The following EVA1C variants were observed in gnomAD, a reference collection of about 807,000 sequenced individuals.
EVA1C encodes protein eva-1 homolog C.
EVA1C carries 25 observed loss-of-function variants against 45.4 expected under a neutral mutation model. That is an observed-to-expected ratio of 0.55 (90% CI 0.40 to 0.77). EVA1C has a LOEUF of 0.77. Among genes scored for constraint, EVA1C ranks in the 30% least tolerant of loss-of-function variants. The pLI is 0.00. For synonymous variants in EVA1C, 190 were observed against 221.2 expected, an observed-to-expected ratio of 0.86 and a Z score of 1.25; for missense variants, 479 against 554.8, an observed-to-expected ratio of 0.86 and a Z score of 1.37.
chr21:32,435,731 T>G (rs964040988), intron 1 of EVA1C, among the ~76,000 whole-genome samples: 6 of 152,280 alleles, frequency 3.9e-5, no homozygotes, highest in African/African-American at 1.4e-4. Flanking sequence ...GCCCCCTTAT[T>G]CAAAAATCAG....
chr21:32,493,105 A>C (rs2037221202), intron 4 of EVA1C, among the ~76,000 whole-genome samples: 1 of 152,232 alleles, frequency 6.6e-6, no homozygotes, highest in African/African-American at 2.4e-5. Context: ...GTTTCTCACT[A>C]TACAAGTGCT....
chr21:32,507,553 T>C lies in EVA1C; in HGVS notation c.949+3538T>C, dbSNP rs556182308. Among the ~76,000 whole-genome samples the C allele has an allele frequency of 9.9e-4, 117 of 118,456 alleles. 1 individual carries two copies. Among genetic ancestry groups the C allele is most frequent in the African/African-American group, 4.9e-3 (113 of 23,184 alleles). The allele number at this position is 118,456 out of a possible 152,430, so 77.7% of individuals were successfully genotyped here. On this transcript the variant is annotated intron_variant, in intron 7 of 7. Transcript: ENST00000300255. The stretch of plus-strand genomic sequence containing the variant: ...GTGTGCATGTGTGCGTCTGTATGTA[T>C]GCGTGTTTTTGTGTGTGCATGTGTA...
At chr21:32,423,695 G>A (rs1348105438) in intron 1 of EVA1C, among the ~76,000 whole-genome samples, 1 of 151,982 alleles carries the variant, frequency 6.6e-6, no homozygotes, top group African/African-American at 2.4e-5. Context: ...GCTCACTCAA[G>A]CCTCTGGAAA....
At chr21:32,508,939 G>T (rs191943863) in intron 7 of EVA1C, among the ~76,000 whole-genome samples, 2 of 152,330 alleles carry the variant, frequency 1.3e-5, no homozygotes, top group Admixed American at 1.3e-4. Flanking sequence ...GCTAAATTTA[G>T]AACAATGCCA....
intron 2 of EVA1C, among the ~76,000 whole-genome samples, chr21:32,456,579 A>G (rs1289404711): frequency 6.6e-6 from 1 of 152,228 alleles, no homozygotes; most frequent in African/African-American, 2.4e-5. Flanking sequence ...CGGGGCCAGC[A>G]TTCTTCACGG....
Position 32,438,183 on chromosome 21 carries a change from TCTC to T in EVA1C, c.161-15125_161-15123del, listed in dbSNP as rs143845843. Among the ~76,000 whole-genome samples, 1,499 of 152,202 alleles carry T rather than the reference TCTC, an allele frequency of 9.8e-3. 19 individuals carry two copies. The highest frequency in any genetic ancestry group is 0.035 in the African/African-American group (1,435 of 41,504). On this transcript the variant is annotated intron_variant, in intron 1 of 7. Coordinates refer to ENST00000300255, the MANE Select transcript of EVA1C (RefSeq NM_058187.5). The stretch of plus-strand genomic sequence containing the variant: ...AGTTCTCTCTTTCTGCCATTCCAAT[TCTC>T]CTCTTTCCATTACATTTAAGAGAAC...
chr21:32,440,993 T>G (rs573605456), intron 1 of EVA1C, among the ~76,000 whole-genome samples: 4 of 152,088 alleles, frequency 2.6e-5, no homozygotes, highest in Non-Finnish European at 5.9e-5. Context: ...TCCCAGCTAC[T>G]CAGGAGGCTG....
At chr21:32,440,334 G>A (rs2035128861) in intron 1 of EVA1C, among the ~76,000 whole-genome samples, 1 of 152,164 alleles carries the variant, frequency 6.6e-6, no homozygotes, top group South Asian at 2.1e-4. Flanking sequence ...AAAGAAAATT[G>A]TTCCGTTTAG....
chr21:32,444,138 C>T (rs1280491138), intron 1 of EVA1C, among the ~76,000 whole-genome samples: 18 of 151,976 alleles, frequency 1.2e-4, no homozygotes, highest in African/African-American at 3.9e-4. Context: ...ACAATCAACA[C>T]GGAATATTTT....
At chr21:32,490,936 C>T (rs1892654) in intron 4 of EVA1C, among the ~76,000 whole-genome samples, 34,072 of 152,168 alleles carry the variant, frequency 0.22, 4,530 homozygotes, top group Non-Finnish European at 0.29. Flanking sequence ...TTTGTTCATT[C>T]GTCCCATAAT....
chr21:32,481,763 C>T (rs1249869226), intron 4 of EVA1C, among the ~76,000 whole-genome samples: 1 of 152,094 alleles, frequency 6.6e-6, no homozygotes, highest in East Asian at 1.9e-4. Context: ...TGAAACGTAC[C>T]TTAAAATCGA....
At chr21:32,458,841 T>C (rs767922825) in intron 3 of EVA1C, among the ~76,000 whole-genome samples, 16 of 152,064 alleles carry the variant, frequency 1.1e-4, no homozygotes, top group Non-Finnish European at 1.8e-4. Context: ...ACTTTTTGCG[T>C]TTTGTTGTCT....
chr21:32,473,662 C>T (rs2036456942), intron 4 of EVA1C, among the ~76,000 whole-genome samples: 1 of 152,210 alleles, frequency 6.6e-6, no homozygotes, highest in South Asian at 2.1e-4. Flanking sequence ...GCTGCCTCCC[C>T]TCTTCGCTTA....
At chr21:32,456,377 G>A (rs1336094781) in intron 2 of EVA1C, among the ~76,000 whole-genome samples, 2 of 152,138 alleles carry the variant, frequency 1.3e-5, no homozygotes, top group East Asian at 3.9e-4. Flanking sequence ...CCTGCCCTGG[G>A]GTCTGCTCTG....
At chr21:32,430,972 CA>C (rs1038641892) in intron 1 of EVA1C, among the ~76,000 whole-genome samples, 14 of 103,054 alleles carry the variant, frequency 1.4e-4, no homozygotes, top group African/African-American at 1.6e-4. Context: ...GACTTGGTCT[CA>C]AAAAAAAAAA....
rs909430509 is a variant in EVA1C at position 32,434,629 on chromosome 21, T to A, written c.161-18683T>A. On this transcript the variant is annotated intron_variant, in intron 1 of 7. Transcript: ENST00000300255. ...ATAAATAAATAAATAAATAAATAAA[T>A]AAAATTTTATATATATATAGATATA... is the stretch of plus-strand genomic sequence containing the variant. 3.3e-5 allele frequency among the ~76,000 whole-genome samples: 5 copies of A among 150,260 alleles called. No homozygotes were observed. In the East Asian group the frequency reaches 9.7e-4, roughly 29 times the overall value.
In EVA1C at chr21:32,468,585, G is replaced by A. The variant is rs560772860; in HGVS notation, c.634+737G>A. 2.2e-4 allele frequency among the ~76,000 whole-genome samples: 34 copies of A among 152,142 alleles called. 1 individual carries two copies. In the South Asian group the frequency reaches 6.0e-3, roughly 27 times the overall value. On this transcript the variant is annotated intron_variant, in intron 4 of 7. Transcript: ENST00000300255. ...GACTGTCTGCAAGCTGAGGAGCAAG[G>A]AGAGCCAGTTCAAGCCTCAAAACTG...
chr21:32,464,440 T>C (rs2036105211), intron 3 of EVA1C, among the ~76,000 whole-genome samples: 1 of 152,200 alleles, frequency 6.6e-6, no homozygotes, highest in Non-Finnish European at 1.5e-5. Context: ...TGAGATTCTG[T>C]AGTTTTCCTT....
chr21:32,466,089 C>A (rs1163158758), intron 3 of EVA1C, among the ~76,000 whole-genome samples: 1 of 148,336 alleles, frequency 6.7e-6, no homozygotes, highest in East Asian at 2.1e-4. Flanking sequence ...CCTACGCAGT[C>A]TTTTGTGTCT....
Sources: gnomAD v4.1 joint callset for allele counts (sites outside exome capture counted in the v4.1 genomes callset) on GRCh38, gnomAD v4.1.1 for gene constraint, MANE v1.5 for transcripts, NCBI Gene and HGNC (gene_info 2026-07-23, HGNC 2026-07-21) for gene names.